ANKLE2: variants seen among roughly 807,000 people sequenced by gnomAD.
ANKLE2 encodes the protein ankyrin repeat and LEM domain containing 2, also known as ankyrin repeat and LEM domain-containing protein 2.
Under a neutral mutation model 84.2 loss-of-function variants are expected in ANKLE2, and 55 were observed. The ratio of observed to expected loss-of-function variants is 0.65; its 90% CI spans 0.53 to 0.82. The LOEUF (loss-of-function observed/expected upper bound fraction) is 0.82, where lower values mean the gene tolerates loss of function less well. Ranked by LOEUF, ANKLE2 falls within the 40% of genes least tolerant of loss-of-function variation. ANKLE2 has a pLI of 0.00. For missense variants in ANKLE2, 1,238 were observed against 1,201.9 expected (o/e 1.03, Z -0.44); for synonymous variants, 551 against 486.1 (o/e 1.13, Z -1.76).
chr12:132,756,462 G>A (rs2136182929), intron 1 of ANKLE2: 1 of 152,288 alleles, frequency 6.6e-6, no homozygotes, highest in Non-Finnish European at 1.5e-5. Context: ...AGCCTGGGAG[G>A]TGGATGCCAC....
In ANKLE2 at chr12:132,730,103, C is replaced by G; in HGVS notation, c.2059G>C (p.Glu687Gln). ...TGTGGACCTCCCGGCTCGGCGGCTT[C>G]TATGAGGTCTGCCTCCTGCTCCAAG... Reference protein sequence around the residue: ...FPLEQEADLIEAAEPGGPHSS... With the variant: ...FPLEQEADLIQAAEPGGPHSS... The change falls in exon 11 of 13, where the codon GAA becomes CAA. Residue 687 changes from glutamate (E) to glutamine (Q), a missense_variant. Coordinates refer to ENST00000357997, the MANE Select transcript of ANKLE2 (RefSeq NM_015114.3). 1.2e-6 allele frequency: 2 copies of G among 1,612,492 alleles called. No homozygotes were observed. Among genetic ancestry groups the G allele is most frequent in the Non-Finnish European group, 1.7e-6 (2 of 1,179,694 alleles).
At position 132,727,028 on chromosome 12, in the gene ANKLE2, G is replaced by A. The variant is rs968775738; in HGVS notation, c.*214C>T. Reference sequence around the variant, plus strand: ...CACATGGATATTTTCCAGAAAATTGGTAACTGAGTTTGCTTTCATTAACTT... The same window carrying A: ...CACATGGATATTTTCCAGAAAATTGATAACTGAGTTTGCTTTCATTAACTT... On this transcript the variant is annotated 3_prime_UTR_variant, in exon 13 of 13. Coordinates refer to ENST00000357997, the MANE Select transcript of ANKLE2 (RefSeq NM_015114.3). 7 of 582,532 alleles carry A rather than the reference G, an allele frequency of 1.2e-5. No individual in the cohort carries two copies. Among genetic ancestry groups the A allele is most frequent in the Non-Finnish European group, 1.4e-5 (5 of 353,906 alleles). The allele number at this position is 582,532 out of a possible 1,614,324, so 36.1% of individuals were successfully genotyped here. A position where few individuals can be genotyped will look rare whatever the true frequency, so the allele number is the denominator to read the frequency against.
chr12:132,745,697 ATCTC>A (rs1277545987), intron 5 of ANKLE2: 1 of 182,796 alleles, frequency 5.5e-6, no homozygotes, highest in African/African-American at 2.3e-5. Context: ...AGCAAGGACA[ATCTC>A]CCTTCCTCAG....
intron 2 of ANKLE2, 72 bp downstream of exon 2, chr12:132,754,603 T>C: frequency 6.9e-7 from 1 of 1,441,758 alleles, no homozygotes; most frequent in Non-Finnish European, 9.3e-7. Flanking sequence ...TAGTTTTCCA[T>C]TTTCAGACGT....
intron 10 of ANKLE2, among the ~76,000 whole-genome samples, chr12:132,733,752 C>T (rs1328135776): frequency 2.0e-5 from 3 of 152,136 alleles, no homozygotes; most frequent in Non-Finnish European, 2.9e-5. Flanking sequence ...CGCTTCGTGC[C>T]CTGGTGTCTG....
intron 5 of ANKLE2, 80 bp downstream of exon 5, chr12:132,747,752 C>T (rs2044268953): frequency 2.0e-6 from 3 of 1,526,472 alleles, no homozygotes; most frequent in Middle Eastern, 1.7e-4. Context: ...TAATGAGTAA[C>T]TTGTCGATAA....
intron 1 of ANKLE2, chr12:132,759,996 T>A (rs572002811): frequency 3.3e-5 from 5 of 151,900 alleles, no homozygotes; most frequent in African/African-American, 1.2e-4. Flanking sequence ...TAGCCGGGCG[T>A]GGTGGCAGGC....
chr12:132,750,388 T>C (rs892713113), intron 3 of ANKLE2, among the ~76,000 whole-genome samples: 1 of 151,278 alleles, frequency 6.6e-6, no homozygotes, highest in Non-Finnish European at 1.5e-5. Context: ...CCCTGTCTCT[T>C]TACAAAAAAA....
Position 132,754,764 on chromosome 12 carries a change from T to A in ANKLE2, c.551A>T (p.Asp184Val), listed in dbSNP as rs1439207764. The A allele has an allele frequency of 5.0e-6, 8 of 1,614,022 alleles. No individual in the cohort carries two copies. The Admixed American group carries it at 1.3e-4, about 27-fold the overall frequency. ...CGCAGTCGCTCCAGCTCTGTAGGTG[T>A]CGGTGTCACTAGGGGGCACCGAGCA... ...KTCSVPPSDT[D>V]TYRAGATASK... The change falls in exon 2 of 13, where the codon GAC becomes GTC. Residue 184 changes from aspartate to valine, a missense_variant. Coordinates refer to ENST00000357997, the MANE Select transcript of ANKLE2 (RefSeq NM_015114.3).
At chr12:132,759,549 C>T (rs1249422832) in intron 1 of ANKLE2, 2 of 152,080 alleles carry the variant, frequency 1.3e-5, no homozygotes, top group Admixed American at 6.6e-5. Flanking sequence ...ATGATATACA[C>T]GTATCATATG....
chr12:132,738,120 T>A (rs561253981), intron 7 of ANKLE2: 4 of 146,160 alleles, frequency 2.7e-5, no homozygotes, highest in African/African-American at 1.1e-4. Flanking sequence ...CCCGGCCTCC[T>A]CGCTTCTCAA....
Position 132,748,134 on chromosome 12 carries a change from C to T in ANKLE2, c.1041+4G>A, listed in dbSNP as rs747661182. 3 of 1,612,498 alleles carry T rather than the reference C, an allele frequency of 1.9e-6. No individual in the cohort carries two copies. The African/African-American group carries it at 4.0e-5, about 22-fold the overall frequency. On this transcript the variant is annotated splice_donor_region_variant and intron_variant, in intron 4 of 12. Coordinates refer to ENST00000357997, the MANE Select transcript of ANKLE2 (RefSeq NM_015114.3). ...ACCTGCCCGAGGGAACCGCCGAGAC[C>T]TACCTGCACGATAGTGGGGTTGTCT...
intron 10 of ANKLE2, among the ~76,000 whole-genome samples, chr12:132,733,317 T>C (rs1217199267): frequency 6.8e-6 from 1 of 147,294 alleles, no homozygotes; most frequent in Non-Finnish European, 1.5e-5. Context: ...ACGTGCACCG[T>C]GTGAAGCTCT....
chr12:132,728,144 C>CAA lies in ANKLE2; in HGVS notation c.2502_2503insTT (p.Asp835LeufsTer45), dbSNP rs2043748387. ...TCAAGAGCGGCCAAAACATCCTGATCGAGTTTTGATGGCTCCTCTCTAGAA... is the reference window on the plus strand; with the variant it reads ...TCAAGAGCGGCCAAAACATCCTGATCAAGAGTTTTGATGGCTCCTCTCTAGAA... On this transcript the variant is annotated frameshift_variant, in exon 12 of 13. Transcript: ENST00000357997. LOFTEE classifies it high-confidence loss of function. 1.2e-6 allele frequency: 2 copies of CAA among 1,612,694 alleles called. No individual in the cohort carries two copies. Among genetic ancestry groups the CAA allele is most frequent in the East Asian group, 4.5e-5 (2 of 44,888 alleles).
At chr12:132,730,948 T>C (rs958604803) in intron 10 of ANKLE2, 1 of 152,308 alleles carries the variant, frequency 6.6e-6, no homozygotes, top group Non-Finnish European at 1.5e-5. Flanking sequence ...TCCGATCTGC[T>C]GCGACCCCAG....
intron 10 of ANKLE2, among the ~76,000 whole-genome samples, chr12:132,733,815 A>C (rs1252438558): frequency 6.6e-6 from 1 of 152,130 alleles, no homozygotes; most frequent in African/African-American, 2.4e-5. Context: ...AATATACCAA[A>C]TCTAAAATAT....
At chr12:132,733,598 A>C (rs1307970731) in intron 10 of ANKLE2, among the ~76,000 whole-genome samples, 1 of 102,794 alleles carries the variant, frequency 9.7e-6, no homozygotes, top group African/African-American at 3.8e-5. Flanking sequence ...AGCACTCTGC[A>C]TCCTGGTGTC....
intron 11 of ANKLE2, 70 bp from the exon 12 acceptor site, chr12:132,728,233 T>C (rs1420839262): frequency 6.2e-6 from 7 of 1,127,206 alleles, no homozygotes; most frequent in South Asian, 1.5e-5. Flanking sequence ...ATACCACTAC[T>C]TTTTTTTTTA....
At chr12:132,734,943 G>A (rs2043978031) in intron 9 of ANKLE2, 1 of 284,092 alleles carries the variant, frequency 3.5e-6, no homozygotes, top group African/African-American at 2.3e-5. Context: ...GTCATGGCCA[G>A]GCACACGAAA....
Sources: gnomAD v4.1 joint callset for allele counts (sites outside exome capture counted in the v4.1 genomes callset) on GRCh38, gnomAD v4.1.1 for gene constraint, MANE v1.5 for transcripts, NCBI Gene and HGNC (gene_info 2026-07-23, HGNC 2026-07-21) for gene names.